The following SLC9A1 variants were observed in gnomAD, a reference collection of about 807,000 sequenced individuals.
SLC9A1 encodes the protein sodium/hydrogen exchanger 1.
Under a neutral mutation model 67.9 loss-of-function variants are expected in SLC9A1, and 22 were observed. The observed-to-expected ratio is 0.32, with a 90% confidence interval of 0.23 to 0.46. SLC9A1 has a LOEUF of 0.46. Among genes scored for constraint, SLC9A1 ranks in the 20% least tolerant of loss-of-function variants. The probability of loss-of-function intolerance (pLI) is 1.00; values close to 1 mark genes in which losing one functional copy is unlikely to be tolerated. For synonymous variants in SLC9A1, 421 were observed against 471.8 expected, an observed-to-expected ratio of 0.89 and a Z score of 1.40; for missense variants, 686 against 1,094.8, an observed-to-expected ratio of 0.63 and a Z score of 5.27.
Position 27,109,297 on chromosome 1 carries a change from T to C in SLC9A1, c.1064+230A>G, listed in dbSNP as rs1257446875. ...CATAGCCTGAAATGCCCTCTCCCGA[T>C]TCCTGGACCCCAGGGGGCGCTGCAG... On this transcript the variant is annotated intron_variant, in intron 3 of 11. Coordinates refer to ENST00000263980, the MANE Select transcript of SLC9A1 (RefSeq NM_003047.5). This position sits in a 1 kb window ranked among gnomAD's most constrained non-coding sequence, Gnocchi z 5.5. Among the ~76,000 whole-genome samples the C allele has an allele frequency of 6.6e-6, 1 of 152,152 alleles. No individual in the cohort carries two copies. Among genetic ancestry groups the C allele is most frequent in the Non-Finnish European group, 1.5e-5 (1 of 68,018 alleles).
chr1:27,142,964 CCTT>C (rs2083461492), intron 1 of SLC9A1, among the ~76,000 whole-genome samples: 1 of 151,348 alleles, frequency 6.6e-6, no homozygotes, highest in South Asian at 2.1e-4. Context: ...AGTCCTCTAC[CCTT>C]CTTCAAGTTC....
At chr1:27,144,424 G>A (rs1253674487) in intron 1 of SLC9A1, among the ~76,000 whole-genome samples, 2 of 152,220 alleles carry the variant, frequency 1.3e-5, no homozygotes, top group Admixed American at 6.5e-5. Context: ...TTAGAGCCAA[G>A]CCGAGGGAGG....
intron 6 of SLC9A1, 78 bp from the exon 7 acceptor site, chr1:27,102,821 C>T: frequency 3.2e-6 from 4 of 1,266,416 alleles, no homozygotes; most frequent in Admixed American, 1.9e-5. Context: ...GCCCCACTCC[C>T]TCCCGTAGCT....
intron 1 of SLC9A1, among the ~76,000 whole-genome samples, chr1:27,147,815 C>T (rs1237905161): frequency 4.0e-5 from 6 of 151,852 alleles, no homozygotes; most frequent in Admixed American, 2.6e-4. Context: ...ACCAACACGG[C>T]AAAACCCCAT....
At position 27,101,480 on chromosome 1, in the gene SLC9A1, C is replaced by T. The variant is rs553698181; in HGVS notation, c.2038-205G>A. ...TCCTGTCACAGCCTCCCTGAATACA[C>T]CTACACTGCTCAGCCTTAAATCCAC... On this transcript the variant is annotated intron_variant, in intron 10 of 11. Coordinates refer to ENST00000263980, the MANE Select transcript of SLC9A1 (RefSeq NM_003047.5). This position sits in a 1 kb window ranked among gnomAD's most constrained non-coding sequence, Gnocchi z 4.9. Among the ~76,000 whole-genome samples, 1 of 152,186 alleles carries T rather than the reference C, an allele frequency of 6.6e-6. No individual in the cohort carries two copies. Among genetic ancestry groups the T allele is most frequent in the Non-Finnish European group, 1.5e-5 (1 of 68,030 alleles).
At position 27,099,947 on chromosome 1, in the gene SLC9A1, A is replaced by G; in HGVS notation, c.*360T>C. 4.3e-6 allele frequency: 1 copy of G among 232,664 alleles called. No homozygotes were observed. Among genetic ancestry groups the G allele is most frequent in the Non-Finnish European group, 8.3e-6 (1 of 120,236 alleles). 14.4% of individuals were successfully genotyped at this position (232,664 alleles called of 1,614,324 possible). A position where few individuals can be genotyped will look rare whatever the true frequency, so the allele number is the denominator to read the frequency against. On this transcript the variant is annotated 3_prime_UTR_variant, in exon 12 of 12. Coordinates refer to ENST00000263980, the MANE Select transcript of SLC9A1 (RefSeq NM_003047.5). Reference sequence around the variant, plus strand: ...GGGTGGGACCACAGCTGAGCCAGAGACTCTTTGGTTAGAAACTAAGATTGG... The same window carrying G: ...GGGTGGGACCACAGCTGAGCCAGAGGCTCTTTGGTTAGAAACTAAGATTGG...
Position 27,114,200 on chromosome 1 carries a change from T to C in SLC9A1, c.439A>G (p.Lys147Glu), listed in dbSNP as rs1397100905. ...VVGLLVGGLI[K>E]GVGETPPFLQ... Reference sequence around the variant, plus strand: ...AAGGGGGGTGTCTCGCCTACACCCTTGATCAGGCCCCCCACCAGCAGCCCC... The same window carrying C: ...AAGGGGGGTGTCTCGCCTACACCCTCGATCAGGCCCCCCACCAGCAGCCCC... The change falls in exon 2 of 12, where the codon AAG becomes GAG. Residue 147 changes from lysine (K) to glutamate (E), a missense_variant. Physicochemically the swap from Lys to Glu is moderately conservative, Grantham distance 56 (BLOSUM62 1). This residue lies in a region of SLC9A1 where 29 missense variants were observed against 71.9 expected (regional missense o/e 0.40). Transcript: ENST00000263980. The surrounding 1 kb of genome is among the most constrained non-coding windows in gnomAD (Gnocchi z 5.4). 1 of 1,614,078 alleles carries C rather than the reference T, an allele frequency of 6.2e-7. No homozygotes were observed. The highest frequency in any genetic ancestry group is 2.2e-5 in the East Asian group (1 of 44,878).
At chr1:27,128,981 CAAAT>C (rs1258109398) in intron 1 of SLC9A1, among the ~76,000 whole-genome samples, 1 of 152,104 alleles carries the variant, frequency 6.6e-6, no homozygotes, top group Non-Finnish European at 1.5e-5. Flanking sequence ...AACAAACAAA[CAAAT>C]GCATGCACGC....
In SLC9A1 at chr1:27,139,632, A is replaced by G. The variant is rs113747046; in HGVS notation, c.352+14351T>C. Reference sequence around the variant, plus strand: ...GCAGTTAGCTTCTCTGCCCAGCAAAACAGGTGAGTGAGGCGTGTTTGGGGG... The same window carrying G: ...GCAGTTAGCTTCTCTGCCCAGCAAAGCAGGTGAGTGAGGCGTGTTTGGGGG... On this transcript the variant is annotated intron_variant, in intron 1 of 11. Transcript: ENST00000263980. Among the ~76,000 whole-genome samples the G allele has an allele frequency of 1.1e-3, 166 of 152,278 alleles. 2 individuals are homozygous for G. The highest frequency in any genetic ancestry group is 3.8e-3 in the African/African-American group (159 of 41,562).
At chr1:27,135,054 C>T (rs536587849) in intron 1 of SLC9A1, among the ~76,000 whole-genome samples, 26 of 150,530 alleles carry the variant, frequency 1.7e-4, no homozygotes, top group Non-Finnish European at 3.8e-4. Flanking sequence ...TGTTTTTATG[C>T]CAAATTTTTT....
chr1:27,121,442 G>A (rs776893348), intron 1 of SLC9A1, among the ~76,000 whole-genome samples: 10 of 152,180 alleles, frequency 6.6e-5, no homozygotes, highest in Non-Finnish European at 1.2e-4. Context: ...TTTCTTGTCT[G>A]TAAACAAGTG....
At position 27,100,489 on chromosome 1, in the gene SLC9A1, C is replaced by G. The variant is rs778021539; in HGVS notation, c.2266G>C (p.Glu756Gln). Residue 756 changes from glutamate (E) to glutamine (Q), a missense_variant, in exon 12 of 12, where the codon GAG (glutamate) becomes CAG (glutamine). Coordinates refer to ENST00000263980, the MANE Select transcript of SLC9A1 (RefSeq NM_003047.5). This position sits in a 1 kb window ranked among gnomAD's most constrained non-coding sequence, Gnocchi z 5.6. ...ATCATGATGCCCCCATCGTCGTCCT[C>G]GTCCTCCTCAGCCACCTTTGCAGGA... ...RDPAKVAEED[E>Q]DDDGGIMMRS... The G allele has an allele frequency of 6.8e-6, 11 of 1,614,004 alleles. No individual in the cohort carries two copies. The highest frequency in any genetic ancestry group is 9.3e-6 in the Non-Finnish European group (11 of 1,179,982).
chr1:27,153,026 G>C (rs1476967694), intron 1 of SLC9A1, among the ~76,000 whole-genome samples: 1 of 152,282 alleles, frequency 6.6e-6, no homozygotes, highest in East Asian at 1.9e-4. Flanking sequence ...GCTCCAGTAA[G>C]CTCCCCCAAT....
rs1330379056 is a variant in SLC9A1, at chr1:27,102,558, C to T, written c.1647G>A (p.Lys549=). 2.5e-6 allele frequency: 4 copies of T among 1,608,188 alleles called. No individual in the cohort carries two copies. The Admixed American group carries it at 6.7e-5, about 27-fold the overall frequency. Residue 549 remains lysine, a splice_region_variant and synonymous_variant, in exon 8 of 12, where the codon AAG becomes AAA. Coordinates refer to ENST00000263980, the MANE Select transcript of SLC9A1 (RefSeq NM_003047.5). ...CATATTTCTTATTAAACCGGTTGAGCCTGGTGGGAGGAGGAGGGAGACGGA... is the reference window on the plus strand; with the variant it reads ...CATATTTCTTATTAAACCGGTTGAGTCTGGTGGGAGGAGGAGGGAGACGGA... The part of the protein sequence containing the change: ...GHYGHHHWKD[K]LNRFNKKYVK...
At chr1:27,126,556 G>A (rs2083345519) in intron 1 of SLC9A1, among the ~76,000 whole-genome samples, 1 of 152,134 alleles carries the variant, frequency 6.6e-6, no homozygotes, top group Non-Finnish European at 1.5e-5. Flanking sequence ...GGCCTGCAGA[G>A]CCTGGGACCA....
Position 27,101,231 on chromosome 1 carries a change from G to A in SLC9A1, c.2082C>T (p.Pro694=). The change falls in exon 11 of 12, where the codon CCC becomes CCT. Residue 694 remains proline (P), a synonymous_variant. Transcript: ENST00000263980. The surrounding 1 kb of genome is among the most constrained non-coding windows in gnomAD (Gnocchi z 4.9). ...LTVPAHKLDS[P]TMSRARIGSD... ...AGCCGATGCGGGCCCGAGACATGGT[G>A]GGTGAGTCCAGCTTGTGGGCTGGCA... 6.2e-7 allele frequency: 1 copy of A among 1,612,046 alleles called. No homozygotes were observed. The highest frequency in any genetic ancestry group is 1.7e-5 in the Admixed American group (1 of 60,022).
intron 1 of SLC9A1, among the ~76,000 whole-genome samples, chr1:27,133,609 G>A (rs1055288868): frequency 6.6e-6 from 1 of 152,058 alleles, no homozygotes; most frequent in Non-Finnish European, 1.5e-5. Context: ...AGGTAGTTAG[G>A]ACGGGAAGGG....
chr1:27,107,499 A>G lies in SLC9A1; in HGVS notation c.1282+149T>C, dbSNP rs1043633769. The G allele has an allele frequency of 1.4e-5, 9 of 658,940 alleles. No homozygotes were observed. The African/African-American group carries it at 1.6e-4, about 12-fold the overall frequency. The allele number at this position is 658,940 out of a possible 1,614,324, so 40.8% of individuals were successfully genotyped here. ...CCACAGCCCAGCCCCTCCACACAAT[A>G]CTTATACACTGCACCACATGCACAC... On this transcript the variant is annotated intron_variant, in intron 4 of 11. Coordinates refer to ENST00000263980, the MANE Select transcript of SLC9A1 (RefSeq NM_003047.5).
At chr1:27,116,929 T>C (rs1398301185) in intron 1 of SLC9A1, among the ~76,000 whole-genome samples, 1 of 152,092 alleles carries the variant, frequency 6.6e-6, no homozygotes, top group Non-Finnish European at 1.5e-5. Context: ...CCTCTACCTC[T>C]ACCCCCACCA....
Sources: gnomAD v4.1 joint callset for allele counts (sites outside exome capture counted in the v4.1 genomes callset) on GRCh38, gnomAD v4.1.1 for gene constraint, gnomAD v4.1.1 regional missense constraint, Gnocchi (gnomAD v3.1) non-coding constraint, MANE v1.5 for transcripts, NCBI Gene and HGNC (gene_info 2026-07-23, HGNC 2026-07-21) for gene names.